The following NXN variants were observed in gnomAD, a reference collection of about 807,000 sequenced individuals.
NXN encodes nucleoredoxin 1.
A neutral mutation model predicts 48.6 loss-of-function variants in NXN; 16 were observed. The observed-to-expected ratio is 0.33, with a 90% CI of 0.22 to 0.50. The LOEUF is 0.50. Among genes scored for constraint, NXN ranks in the 20% least tolerant of loss-of-function variants. The probability of loss-of-function intolerance (pLI) is 0.98; values close to 1 mark genes in which losing one functional copy is unlikely to be tolerated. For synonymous variants in NXN, 281 were observed against 269.6 expected (o/e 1.04, Z -0.41); for missense variants, 492 against 605.5 (o/e 0.81, Z 1.97).
chr17:928,954 A>T (rs56847760), intron 1 of NXN, among the ~76,000 whole-genome samples: 2,798 of 152,318 alleles, frequency 0.018, 85 homozygotes, highest in African/African-American at 0.06. Flanking sequence ...AATGCAATAC[A>T]CATCATAACT....
chr17:863,221 A>C (rs1380560601), intron 1 of NXN, among the ~76,000 whole-genome samples: 1 of 152,124 alleles, frequency 6.6e-6, no homozygotes, highest in Admixed American at 6.6e-5. Context: ...CCTGGGCTGG[A>C]GTGCAGTGGC....
chr17:868,353 G>C (rs368431183), intron 1 of NXN, among the ~76,000 whole-genome samples: 1 of 152,146 alleles, frequency 6.6e-6, no homozygotes, highest in African/African-American at 2.4e-5. Flanking sequence ...CTCCCTGACC[G>C]TATCTCCCTC....
chr17:906,644 GCAACCTC>G (rs540588145), intron 1 of NXN, among the ~76,000 whole-genome samples: 11 of 150,732 alleles, frequency 7.3e-5, no homozygotes, highest in Admixed American at 4.6e-4. Context: ...TCGGCTCCCT[GCAACCTC>G]CACCTCCCGG....
intron 1 of NXN, among the ~76,000 whole-genome samples, chr17:924,386 A>G (rs1332524345): frequency 6.6e-6 from 1 of 152,148 alleles, no homozygotes; most frequent in African/African-American, 2.4e-5. Context: ...GCAAGGCGTG[A>G]GCCACTACGT....
At chr17:882,226 C>G (rs962026645) in intron 1 of NXN, among the ~76,000 whole-genome samples, 1 of 152,160 alleles carries the variant, frequency 6.6e-6, no homozygotes, top group Non-Finnish European at 1.5e-5. Flanking sequence ...GCCACCTTCC[C>G]ACAAGTGACC....
intron 1 of NXN, among the ~76,000 whole-genome samples, chr17:939,629 A>C (rs1270309970): frequency 3.3e-5 from 5 of 152,122 alleles, no homozygotes; most frequent in Non-Finnish European, 2.9e-5. Context: ...TACAGGCGTG[A>C]GCCACCGCGC....
intron 1 of NXN, among the ~76,000 whole-genome samples, chr17:937,193 G>A (rs962756750): frequency 2.6e-5 from 4 of 151,942 alleles, no homozygotes; most frequent in African/African-American, 7.3e-5. Flanking sequence ...CATGTTGGCC[G>A]GGCTGGTCTC....
At chr17:806,863 T>G (rs1438808212) in intron 5 of NXN, among the ~76,000 whole-genome samples, 1 of 151,540 alleles carries the variant, frequency 6.6e-6, no homozygotes, top group Non-Finnish European at 1.5e-5. Context: ...TATCAGGGAG[T>G]GGGTCCAGAG....
chr17:950,222 G>A lies in NXN; in HGVS notation c.360+29097C>T, dbSNP rs2150616427. ...ATCACGGACTGCAGCAGTAAAGCTG[G>A]TGCCTGTTCGCCCCTTTCCCCTCCA... is the stretch of plus-strand genomic sequence containing the variant. On this transcript the variant is annotated intron_variant, in intron 1 of 7. Coordinates refer to ENST00000336868, the MANE Select transcript of NXN (RefSeq NM_022463.5). Among the ~76,000 whole-genome samples the A allele has an allele frequency of 2.0e-5, 3 of 152,280 alleles. No individual in the cohort carries two copies. The South Asian group carries it at 6.2e-4, about 32-fold the overall frequency.
intron 1 of NXN, among the ~76,000 whole-genome samples, chr17:835,262 C>T (rs748582330): frequency 7.4e-5 from 11 of 149,136 alleles, no homozygotes; most frequent in East Asian, 2.0e-4. Flanking sequence ...GAGCTGAGAT[C>T]GTGCCACTGC....
intron 1 of NXN, among the ~76,000 whole-genome samples, chr17:878,891 G>A (rs919500672): frequency 4.6e-5 from 7 of 152,166 alleles, no homozygotes; most frequent in Admixed American, 3.9e-4. Context: ...CAGGCCAGGT[G>A]CGGTGGCTCA....
intron 1 of NXN, among the ~76,000 whole-genome samples, chr17:869,373 C>G (rs148718173): frequency 6.6e-6 from 1 of 152,212 alleles, no homozygotes; most frequent in African/African-American, 2.4e-5. Flanking sequence ...GATCCAGGAG[C>G]CCCGACAAGC....
At chr17:923,454 G>C (rs2068767975) in intron 1 of NXN, among the ~76,000 whole-genome samples, 1 of 152,118 alleles carries the variant, frequency 6.6e-6, no homozygotes, top group Non-Finnish European at 1.5e-5. Flanking sequence ...GCAAGTCTAG[G>C]CTGCAGTGAG....
At chr17:926,539 T>TG (rs1386756893) in intron 1 of NXN, among the ~76,000 whole-genome samples, 1 of 94,122 alleles carries the variant, frequency 1.1e-5, no homozygotes, top group Non-Finnish European at 2.5e-5. Flanking sequence ...TTTTTGTTTT[T>TG]TTTTTGTTTT....
chr17:955,261 G>A (rs866868767), intron 1 of NXN, among the ~76,000 whole-genome samples: 2 of 148,686 alleles, frequency 1.3e-5, no homozygotes, highest in Non-Finnish European at 3.0e-5. Flanking sequence ...TCCGCCTCCC[G>A]GGTTCAAGCG....
chr17:881,875 A>G (rs1338289517), intron 1 of NXN, among the ~76,000 whole-genome samples: 1 of 152,212 alleles, frequency 6.6e-6, no homozygotes, highest in Non-Finnish European at 1.5e-5. Flanking sequence ...TGACTGTACG[A>G]TTCCATTTCC....
rs558365344 is a variant in NXN at position 894,757 on chromosome 17, C to T, written c.361-68679G>A. On this transcript the variant is annotated intron_variant, in intron 1 of 7. Transcript: ENST00000336868. Reference sequence around the variant, plus strand: ...TCCGCAGGGACGGGCGGAGACATGACGGAGGCGCCCCAAGAAGACGGTCCC... The same window carrying T: ...TCCGCAGGGACGGGCGGAGACATGATGGAGGCGCCCCAAGAAGACGGTCCC... Among the ~76,000 whole-genome samples, 169 of 152,320 alleles carry T rather than the reference C, an allele frequency of 1.1e-3. 2 individuals are homozygous for T. The highest frequency in any genetic ancestry group is 3.8e-3 in the African/African-American group (160 of 41,560).
At chr17:809,018 G>A (rs577302568) in intron 5 of NXN, among the ~76,000 whole-genome samples, 3 of 152,204 alleles carry the variant, frequency 2.0e-5, no homozygotes, top group Non-Finnish European at 2.9e-5. Flanking sequence ...TATTTGGCTC[G>A]TGAGAAGGCA....
At position 958,569 on chromosome 17, in the gene NXN, G is replaced by A. The variant is rs942624061; in HGVS notation, c.360+20750C>T. ...GGGTGGATCACGAGGTCAGGAGTTC[G>A]AGACCAGCCTGGCCAACATGGTGAA... On this transcript the variant is annotated intron_variant, in intron 1 of 7. Transcript: ENST00000336868. The surrounding 1 kb of genome is among the most constrained non-coding windows in gnomAD (Gnocchi z 6.9). Among the ~76,000 whole-genome samples, 5 of 152,068 alleles carry A rather than the reference G, an allele frequency of 3.3e-5. No homozygotes were observed. Among genetic ancestry groups the A allele is most frequent in the African/African-American group, 9.7e-5 (4 of 41,386 alleles).
Sources: gnomAD v4.1 joint callset for allele counts (sites outside exome capture counted in the v4.1 genomes callset) on GRCh38, gnomAD v4.1.1 for gene constraint, Gnocchi (gnomAD v3.1) non-coding constraint, MANE v1.5 for transcripts, NCBI Gene and HGNC (gene_info 2026-07-23, HGNC 2026-07-21) for gene names.